NDST4: variants seen among roughly 807,000 people sequenced by gnomAD.
NDST4 encodes the protein N-deacetylase and N-sulfotransferase 4.
NDST4 carries 63 observed loss-of-function variants against 100.8 expected under a neutral mutation model. That is an observed-to-expected ratio of 0.62 (90% CI 0.51 to 0.77). The LOEUF (loss-of-function observed/expected upper bound fraction) is 0.77. NDST4 is among the 30% of genes least tolerant of loss of function. The pLI, the probability that NDST4 is intolerant of heterozygous loss-of-function variation, is 0.00. For synonymous variants in NDST4, 377 were observed against 361.8 expected (o/e 1.04, Z -0.48); for missense variants, 943 against 1,018.4 (o/e 0.93, Z 1.01).
chr4:114,954,904 A>G (rs546481519), intron 4 of NDST4, among the ~76,000 whole-genome samples: 2 of 152,144 alleles, frequency 1.3e-5, no homozygotes, highest in East Asian at 1.9e-4. Flanking sequence ...CCCCTCCCAC[A>G]TCCTTGCTAC....
At chr4:115,022,483 T>C (rs555098423) in intron 2 of NDST4, among the ~76,000 whole-genome samples, 18 of 151,438 alleles carry the variant, frequency 1.2e-4, no homozygotes, top group Admixed American at 3.3e-4. Context: ...GTGTTCCATA[T>C]ATATGTTCCA....
At chr4:114,850,084 G>A (rs1270831143) in intron 8 of NDST4, among the ~76,000 whole-genome samples, 1 of 152,122 alleles carries the variant, frequency 6.6e-6, no homozygotes, top group Non-Finnish European at 1.5e-5. Context: ...CTTTCTTAAG[G>A]GGGGTGGAGA....
At chr4:114,940,729 C>G (rs1530271) in intron 4 of NDST4, among the ~76,000 whole-genome samples, 28,547 of 152,088 alleles carry the variant, frequency 0.19, 4,084 homozygotes, top group African/African-American at 0.39. Flanking sequence ...GAGTCAGGTC[C>G]TATGAAGGAA....
intron 2 of NDST4, among the ~76,000 whole-genome samples, chr4:115,069,981 A>T (rs930738229): frequency 1.3e-5 from 2 of 152,170 alleles, no homozygotes; most frequent in Non-Finnish European, 2.9e-5. Flanking sequence ...TTGGAATGTA[A>T]ATTAGTCCAA....
At chr4:114,885,303 C>T (rs546780484) in intron 6 of NDST4, among the ~76,000 whole-genome samples, 2 of 152,220 alleles carry the variant, frequency 1.3e-5, no homozygotes, top group African/African-American at 4.8e-5. Flanking sequence ...CACATGCTGA[C>T]AGTCTACCAT....
At position 114,978,930 on chromosome 4, in the gene NDST4, G is replaced by T. The variant is rs989161604; in HGVS notation, c.979-1656C>A. Among the ~76,000 whole-genome samples the T allele has an allele frequency of 2.0e-5, 3 of 152,102 alleles. 1 individual carries two copies. The East Asian group carries it at 5.8e-4, about 29-fold the overall frequency. On this transcript the variant is annotated intron_variant, in intron 2 of 13. Coordinates refer to ENST00000264363, the MANE Select transcript of NDST4 (RefSeq NM_022569.3). ...TATTAGGAGAATTACATTGGGTAAG[G>T]CATGCAAATTGTTTAGCTAAGTGTC...
intron 10 of NDST4, among the ~76,000 whole-genome samples, chr4:114,840,314 A>G (rs1260065839): frequency 6.6e-6 from 1 of 152,212 alleles, no homozygotes; most frequent in Non-Finnish European, 1.5e-5. Flanking sequence ...TTTAACAGTC[A>G]ATACAATTTA....
At chr4:114,919,797 C>G (rs1725250855) in intron 6 of NDST4, among the ~76,000 whole-genome samples, 1 of 152,100 alleles carries the variant, frequency 6.6e-6, no homozygotes, top group African/African-American at 2.4e-5. Context: ...AGCAATTTTT[C>G]TGGGAGAGAG....
chr4:114,944,337 A>C (rs115801571), intron 4 of NDST4, among the ~76,000 whole-genome samples: 2 of 152,294 alleles, frequency 1.3e-5, no homozygotes, highest in African/African-American at 4.8e-5. Flanking sequence ...AGGTTAAAAC[A>C]ACTGTCAAAG....
chr4:115,026,786 G>C (rs1486202828), intron 2 of NDST4, among the ~76,000 whole-genome samples: 1 of 152,094 alleles, frequency 6.6e-6, no homozygotes, highest in Non-Finnish European at 1.5e-5. Context: ...GGAGCTTTCA[G>C]ATAAAAGAGC....
intron 9 of NDST4, 23 bp downstream of exon 9, chr4:114,848,192 T>A (rs1363199642): frequency 1.9e-6 from 3 of 1,579,554 alleles, no homozygotes; most frequent in Admixed American, 3.9e-5. Flanking sequence ...ATAATGGAAT[T>A]TATTTTTTGT....
chr4:115,097,793 A>C (rs549643137), intron 1 of NDST4, among the ~76,000 whole-genome samples: 1 of 152,258 alleles, frequency 6.6e-6, no homozygotes, highest in African/African-American at 2.4e-5. Flanking sequence ...TGGTCCACAC[A>C]GTTCTACCAA....
intron 6 of NDST4, among the ~76,000 whole-genome samples, chr4:114,921,433 A>G (rs1377873965): frequency 6.6e-6 from 1 of 152,196 alleles, no homozygotes; most frequent in East Asian, 1.9e-4. Flanking sequence ...TCAAGCAGCA[A>G]GAAACAACCA....
intron 2 of NDST4, among the ~76,000 whole-genome samples, chr4:115,033,696 A>G (rs1414293297): frequency 6.6e-6 from 1 of 152,076 alleles, no homozygotes; most frequent in East Asian, 1.9e-4. Context: ...AAGGTATAGA[A>G]AGACTGCACA....
intron 6 of NDST4, among the ~76,000 whole-genome samples, chr4:114,934,049 T>C (rs1482931567): frequency 2.0e-5 from 3 of 152,200 alleles, no homozygotes; most frequent in Non-Finnish European, 4.4e-5. Context: ...CTCATGTTCA[T>C]TGCAGCATTA....
intron 2 of NDST4, among the ~76,000 whole-genome samples, chr4:114,984,254 C>G (rs1342788958): frequency 1.3e-5 from 2 of 152,038 alleles, no homozygotes; most frequent in African/African-American, 2.4e-5. Context: ...CCTCAGGTCA[C>G]TGCAACCTCC....
intron 2 of NDST4, among the ~76,000 whole-genome samples, chr4:114,992,020 A>G (rs1727050981): frequency 6.6e-6 from 1 of 151,938 alleles, no homozygotes; most frequent in African/African-American, 2.4e-5. Context: ...ATTGTTTATT[A>G]CAGAAAAATC....
chr4:114,958,145 C>T (rs539211429), intron 4 of NDST4, among the ~76,000 whole-genome samples: 1 of 152,346 alleles, frequency 6.6e-6, no homozygotes, highest in East Asian at 1.9e-4. Flanking sequence ...ACTGCCCTAG[C>T]AGATTCTCCA....
chr4:115,099,240 G>A (rs566064324), intron 1 of NDST4, among the ~76,000 whole-genome samples: 2 of 152,044 alleles, frequency 1.3e-5, no homozygotes, highest in South Asian at 4.1e-4. Context: ...GATCATATAG[G>A]AGAAGATCTA....
Sources: gnomAD v4.1 joint callset for allele counts (sites outside exome capture counted in the v4.1 genomes callset) on GRCh38, gnomAD v4.1.1 for gene constraint, MANE v1.5 for transcripts, NCBI Gene and HGNC (gene_info 2026-07-23, HGNC 2026-07-21) for gene names.